Variants in MMRN1 observed in about 807,000 individuals in gnomAD.
The protein encoded by MMRN1 is multimerin-1.
In MMRN1, 94 loss-of-function variants were observed where a neutral mutation model predicts 100.7. The observed-to-expected ratio is 0.93, with a 90% confidence interval of 0.79 to 1.11. MMRN1 has a LOEUF of 1.11. MMRN1 is among the 50% of genes least tolerant of loss of function. MMRN1 has a pLI of 0.00. For missense variants in MMRN1, 1,606 were observed against 1,439.1 expected (o/e 1.12, Z -1.88); for synonymous variants, 575 against 505.0 (o/e 1.14, Z -1.86).
At chr4:89,886,920 C>T (rs1333219936) in intron 1 of MMRN1, among the ~76,000 whole-genome samples, 1 of 152,038 alleles carries the variant, frequency 6.6e-6, no homozygotes, top group Non-Finnish European at 1.5e-5. Context: ...GAACTATAGT[C>T]ACCCTATTGT....
chr4:89,922,051 A>G (rs546774231), intron 3 of MMRN1, among the ~76,000 whole-genome samples: 7 of 152,294 alleles, frequency 4.6e-5, no homozygotes, highest in Middle Eastern at 3.4e-3. Context: ...TTAAAGCCAT[A>G]TTATTTGATG....
Position 89,953,991 on chromosome 4 carries a change from C to T in MMRN1, c.*573C>T, listed in dbSNP as rs979136477. On this transcript the variant is annotated 3_prime_UTR_variant, in exon 8 of 8. Transcript: ENST00000264790. ...ATGAAAAATGCTTAACTATTGTTCTCTTCCTATAATTCTCTAATTATAACA... is the reference window on the plus strand; with the variant it reads ...ATGAAAAATGCTTAACTATTGTTCTTTTCCTATAATTCTCTAATTATAACA... 2.0e-5 allele frequency: 3 copies of T among 152,330 alleles called. No individual in the cohort carries two copies. Among genetic ancestry groups the T allele is most frequent in the African/African-American group, 7.2e-5 (3 of 41,552 alleles). 9.4% of individuals were successfully genotyped at this position (152,330 alleles called of 1,614,324 possible).
chr4:89,950,406 A>G (rs1169867003), intron 6 of MMRN1, among the ~76,000 whole-genome samples: 2 of 152,148 alleles, frequency 1.3e-5, no homozygotes, highest in African/African-American at 4.8e-5. Context: ...ATACTGATAA[A>G]TATCGTCACA....
At chr4:89,948,758 T>A (rs904564833) in intron 6 of MMRN1, among the ~76,000 whole-genome samples, 1 of 152,084 alleles carries the variant, frequency 6.6e-6, no homozygotes, top group Non-Finnish European at 1.5e-5. Context: ...AGTCCAGACA[T>A]ACCTAAAATA....
At chr4:89,916,057 A>G (rs1721902273) in intron 3 of MMRN1, among the ~76,000 whole-genome samples, 1 of 151,824 alleles carries the variant, frequency 6.6e-6, no homozygotes, top group African/African-American at 2.4e-5. Flanking sequence ...CTTTATCACA[A>G]GAGAGTAACT....
chr4:89,882,017 T>C (rs955740837), intron 1 of MMRN1, among the ~76,000 whole-genome samples: 1 of 151,920 alleles, frequency 6.6e-6, no homozygotes, highest in African/African-American at 2.4e-5. Flanking sequence ...AAATTTAAGC[T>C]AAATAACCCT....
rs553788136 is a variant in MMRN1, at chr4:89,924,394, C to A, written c.955+1122C>A. Among the ~76,000 whole-genome samples the A allele has an allele frequency of 6.4e-4, 98 of 152,166 alleles. 1 individual carries two copies. Among genetic ancestry groups the A allele is most frequent in the African/African-American group, 1.7e-3 (70 of 41,528 alleles). On this transcript the variant is annotated intron_variant, in intron 4 of 7. Transcript: ENST00000264790. ...ATACTACTCTTTACAAATTTCTACA[C>A]TTAGTCTTAACATTCAAGTTGCCAT... is the stretch of plus-strand genomic sequence containing the variant.
chr4:89,902,506 C>A (rs1721425204), intron 1 of MMRN1, among the ~76,000 whole-genome samples: 1 of 151,932 alleles, frequency 6.6e-6, no homozygotes, highest in East Asian at 1.9e-4. Context: ...TAGGTTGGAT[C>A]CAAACAGCAA....
intron 4 of MMRN1, among the ~76,000 whole-genome samples, chr4:89,925,909 T>C (rs1722243795): frequency 6.6e-6 from 1 of 152,252 alleles, no homozygotes; most frequent in East Asian, 1.9e-4. Context: ...TTTCTGTTCC[T>C]GGCTTATTTC....
At chr4:89,917,388 C>T (rs1018790699) in intron 3 of MMRN1, among the ~76,000 whole-genome samples, 1 of 151,790 alleles carries the variant, frequency 6.6e-6, no homozygotes, top group South Asian at 2.1e-4. Context: ...CTCTCCACTT[C>T]GGGATCACGA....
chr4:89,885,849 T>G (rs1176868819), intron 1 of MMRN1, among the ~76,000 whole-genome samples: 3 of 152,060 alleles, frequency 2.0e-5, no homozygotes, highest in African/African-American at 7.2e-5. Flanking sequence ...CTCCAAAAAT[T>G]ATTTTTCTTT....
At position 89,953,645 on chromosome 4, in the gene MMRN1, A is replaced by T; in HGVS notation, c.*227A>T. ...CCTAAAGAAATTTAGTGGCACAGAA[A>T]ACAAAGTGAATTTGTTAGCATAATT... On this transcript the variant is annotated 3_prime_UTR_variant, in exon 8 of 8. Coordinates refer to ENST00000264790, the MANE Select transcript of MMRN1 (RefSeq NM_007351.3). 1 of 379,056 alleles carries T rather than the reference A, an allele frequency of 2.6e-6. No homozygotes were observed. The allele number at this position is 379,056 out of a possible 1,614,324, so 23.5% of individuals were successfully genotyped here.
At chr4:89,936,883 T>A in intron 6 of MMRN1, 85 bp downstream of exon 6, 2 of 1,272,626 alleles carry the variant, frequency 1.6e-6, no homozygotes, top group Non-Finnish European at 2.1e-6. Flanking sequence ...GCAAGACCAT[T>A]AAACATAAAA....
chr4:89,899,341 G>A (rs961157522), intron 1 of MMRN1, among the ~76,000 whole-genome samples: 2 of 152,140 alleles, frequency 1.3e-5, no homozygotes, highest in African/African-American at 4.8e-5. Context: ...TAGGATTAGT[G>A]TATTTATATG....
intron 1 of MMRN1, among the ~76,000 whole-genome samples, chr4:89,886,733 A>G (rs1015348438): frequency 1.3e-5 from 2 of 152,078 alleles, no homozygotes; most frequent in African/African-American, 2.4e-5. Context: ...TTATGGCTAC[A>G]TAATGGTTGT....
At position 89,923,221 on chromosome 4, in the gene MMRN1, G is replaced by A. The variant is rs1395496604; in HGVS notation, c.904G>A (p.Val302Ile). ...CAACCAGGCTGAAAGTCATACAGCT[G>A]TTGGCAGAGGAGTAGCTGAGCAGCA... ...HTNQAESHTA[V>I]GRGVAEQQQQ... Residue 302 changes from valine to isoleucine, a missense_variant, in exon 4 of 8, where the codon GTT becomes ATT. Val to Ile is a conservative substitution (Grantham distance 29). Transcript: ENST00000264790. The A allele has an allele frequency of 6.2e-7, 1 of 1,613,902 alleles. No individual in the cohort carries two copies. Among genetic ancestry groups the A allele is most frequent in the African/African-American group, 1.3e-5 (1 of 74,928 alleles).
chr4:89,932,361 T>C (rs1289841147), intron 5 of MMRN1, among the ~76,000 whole-genome samples: 1 of 152,172 alleles, frequency 6.6e-6, no homozygotes, highest in Non-Finnish European at 1.5e-5. Flanking sequence ...CTGTGGCTTT[T>C]TCTCATGCAC....
chr4:89,929,355 AT>A (rs1722364937), intron 5 of MMRN1, among the ~76,000 whole-genome samples: 1 of 152,154 alleles, frequency 6.6e-6, no homozygotes, highest in African/African-American at 2.4e-5. Flanking sequence ...CTCAACAACA[AT>A]TATGTTTTTT....
chr4:89,895,617 T>G (rs1721179135), intron 1 of MMRN1, 23 bp downstream of exon 1: 1 of 1,600,030 alleles, frequency 6.2e-7, no homozygotes, highest in African/African-American at 1.3e-5. Flanking sequence ...CTTTTCTTTT[T>G]GTTCTTTCTC....
Sources: allele counts gnomAD v4.1 joint callset (sites outside exome capture counted in the v4.1 genomes callset), GRCh38; gene constraint gnomAD v4.1.1; transcripts MANE v1.5; gene names NCBI Gene and HGNC (gene_info 2026-07-23, HGNC 2026-07-21).